ARHGAP15: variants seen among roughly 807,000 people sequenced by gnomAD.
ARHGAP15 encodes Rho GTPase activating protein 15.
ARHGAP15 carries 51 observed loss-of-function variants against 63.7 expected under a neutral mutation model. The ratio of observed to expected loss-of-function variants is 0.80; its 90% CI spans 0.64 to 1.01. The LOEUF (loss-of-function observed/expected upper bound fraction) is 1.01, where lower values mean the gene tolerates loss of function less well. ARHGAP15 is among the 50% of genes least tolerant of loss of function. The pLI is 0.00. For missense variants in ARHGAP15, 560 were observed against 564.6 expected (o/e 0.99, Z 0.08); for synonymous variants, 191 against 193.8 (o/e 0.99, Z 0.12).
Position 143,228,603 on chromosome 2 carries a change from A to T in ARHGAP15, c.319A>T (p.Ile107Phe), listed in dbSNP as rs758921132. The T allele has an allele frequency of 4.4e-6, 7 of 1,608,440 alleles. No homozygotes were observed. The highest frequency in any genetic ancestry group is 5.9e-6 in the Non-Finnish European group (7 of 1,177,458). Residue 107 changes from isoleucine (I) to phenylalanine (F), a missense_variant, in exon 5 of 14, where the codon ATT becomes TTT. Coordinates refer to ENST00000295095, the MANE Select transcript of ARHGAP15 (RefSeq NM_018460.4). The stretch of plus-strand genomic sequence containing the variant: ...AAGGAAAAACTGGTCTACTTCCTGG[A>T]TTGTTCTTTCTAGTCGAAGAATTGA... ...KLRKNWSTSW[I>F]VLSSRRIEFY...
intron 8 of ARHGAP15, among the ~76,000 whole-genome samples, chr2:143,478,369 C>T (rs928896133): frequency 6.6e-6 from 1 of 152,138 alleles, no homozygotes; most frequent in African/African-American, 2.4e-5. Context: ...GTAATCAGTT[C>T]ATGGTAAAGC....
At chr2:143,653,179 G>A (rs1482257431) in intron 12 of ARHGAP15, among the ~76,000 whole-genome samples, 2 of 152,024 alleles carry the variant, frequency 1.3e-5, no homozygotes, top group Non-Finnish European at 2.9e-5. Context: ...CAACTACATT[G>A]ATAGATTTTT....
intron 12 of ARHGAP15, among the ~76,000 whole-genome samples, chr2:143,671,776 T>C (rs1445769703): frequency 6.6e-6 from 1 of 152,244 alleles, no homozygotes; most frequent in African/African-American, 2.4e-5. Flanking sequence ...GATGTCATTA[T>C]GCAGCATATT....
chr2:143,446,908 T>C (rs935556205), intron 8 of ARHGAP15, among the ~76,000 whole-genome samples: 9 of 152,156 alleles, frequency 5.9e-5, no homozygotes, highest in Middle Eastern at 3.4e-3. Context: ...AATAGTTTGC[T>C]GAGAATGATG....
At chr2:143,575,045 C>T (rs1477968944) in intron 11 of ARHGAP15, among the ~76,000 whole-genome samples, 1 of 152,078 alleles carries the variant, frequency 6.6e-6, no homozygotes, top group African/African-American at 2.4e-5. Flanking sequence ...TTTTCCAATA[C>T]ATGCTAATAT....
At chr2:143,450,506 TA>T (rs1029639956) in intron 8 of ARHGAP15, among the ~76,000 whole-genome samples, 2 of 151,554 alleles carry the variant, frequency 1.3e-5, no homozygotes, top group South Asian at 2.1e-4. Context: ...ACTTGTGAAT[TA>T]AAAAAAAATT....
At chr2:143,765,989 T>C (rs566027017) in intron 13 of ARHGAP15, among the ~76,000 whole-genome samples, 1 of 152,326 alleles carries the variant, frequency 6.6e-6, no homozygotes, top group East Asian at 1.9e-4. Context: ...AAATATGCTT[T>C]GCTGGCCACA....
chr2:143,224,650 A>G (rs1254810921), intron 4 of ARHGAP15, among the ~76,000 whole-genome samples: 1 of 152,200 alleles, frequency 6.6e-6, no homozygotes, highest in Non-Finnish European at 1.5e-5. Flanking sequence ...GTCACCTAAT[A>G]TATTGAATAA....
intron 6 of ARHGAP15, among the ~76,000 whole-genome samples, chr2:143,353,719 C>T (rs1046741939): frequency 3.3e-5 from 5 of 152,074 alleles, no homozygotes; most frequent in Admixed American, 2.0e-4. Flanking sequence ...TCATAATTTC[C>T]ATGTATTTGT....
chr2:143,275,399 C>T (rs980973132), intron 6 of ARHGAP15, among the ~76,000 whole-genome samples: 12 of 152,166 alleles, frequency 7.9e-5, no homozygotes, highest in Non-Finnish European at 1.5e-4. Flanking sequence ...TAACGTGTTA[C>T]GTTGCTGTCT....
Position 143,153,834 on chromosome 2 carries a change from TTCTTCTTCTTCC to T in ARHGAP15, c.-14-1640_-14-1629del, listed in dbSNP as rs1206518897. Among the ~76,000 whole-genome samples the T allele has an allele frequency of 3.5e-3, 248 of 71,750 alleles. 2 individuals are homozygous for T. The highest frequency in any genetic ancestry group is 9.6e-3 in the African/African-American group (175 of 18,146). 47.1% of individuals were successfully genotyped at this position (71,750 alleles called of 152,430 possible). ...CTTCTTCTTCTTCTTCTTCTTCTTC[TTCTTCTTCTTCC>T]TCCTCCTCCTCCTCCTCCTCCTCCT... On this transcript the variant is annotated intron_variant, in intron 1 of 13. Transcript: ENST00000295095.
intron 2 of ARHGAP15, among the ~76,000 whole-genome samples, chr2:143,164,662 A>C (rs1049363226): frequency 2.6e-5 from 4 of 152,022 alleles, no homozygotes; most frequent in Admixed American, 2.6e-4. Context: ...AAATTCAGTT[A>C]CTTGATTTTT....
intron 6 of ARHGAP15, among the ~76,000 whole-genome samples, chr2:143,372,984 T>TAAA (rs34460482): frequency 5.1e-5 from 7 of 136,718 alleles, no homozygotes; most frequent in South Asian, 2.3e-4. Context: ...TCTCTCCTCT[T>TAAA]AAAAAAAAAA....
chr2:143,371,336 G>A (rs889735097), intron 6 of ARHGAP15, among the ~76,000 whole-genome samples: 3 of 152,124 alleles, frequency 2.0e-5, no homozygotes, highest in Non-Finnish European at 4.4e-5. Context: ...ACAAATTGAT[G>A]AGGACATCTT....
chr2:143,148,303 C>T (rs1456168340), intron 1 of ARHGAP15, among the ~76,000 whole-genome samples: 1 of 152,036 alleles, frequency 6.6e-6, no homozygotes, highest in African/African-American at 2.4e-5. Context: ...GTAGGCAAGC[C>T]TGCTTGTGCT....
intron 6 of ARHGAP15, among the ~76,000 whole-genome samples, chr2:143,411,059 G>A (rs894244781): frequency 2.0e-5 from 3 of 151,960 alleles, no homozygotes; most frequent in Admixed American, 6.5e-5. Context: ...ATAAAAATTA[G>A]CAGGGCATGA....
chr2:143,666,505 A>G (rs1262913772), intron 12 of ARHGAP15, among the ~76,000 whole-genome samples: 2 of 148,668 alleles, frequency 1.3e-5, no homozygotes, highest in African/African-American at 2.5e-5. Context: ...GGACATAGGC[A>G]TGGGCAAGGA....
intron 2 of ARHGAP15, among the ~76,000 whole-genome samples, chr2:143,174,371 T>C (rs2105055387): frequency 6.6e-6 from 1 of 152,224 alleles, no homozygotes; most frequent in East Asian, 1.9e-4. Flanking sequence ...ATCACCACCT[T>C]TGAGAGCACT....
intron 6 of ARHGAP15, among the ~76,000 whole-genome samples, chr2:143,326,973 T>C (rs1305001166): frequency 1.3e-5 from 2 of 152,198 alleles, no homozygotes; most frequent in African/African-American, 4.8e-5. Flanking sequence ...GGAAGTCAGA[T>C]TGTCTCTGTT....
Sources: allele counts gnomAD v4.1 joint callset (sites outside exome capture counted in the v4.1 genomes callset), GRCh38; gene constraint gnomAD v4.1.1; transcripts MANE v1.5; gene names NCBI Gene and HGNC (gene_info 2026-07-23, HGNC 2026-07-21).